The following NEURL1 variants were observed in gnomAD, a reference collection of about 807,000 sequenced individuals.
The protein encoded by NEURL1 is E3 ubiquitin-protein ligase NEURL1.
Under a neutral mutation model 41.2 loss-of-function variants are expected in NEURL1, and 26 were observed. The ratio of observed to expected loss-of-function variants is 0.63; its 90% CI spans 0.46 to 0.87. The LOEUF (loss-of-function observed/expected upper bound fraction) is 0.87. Ranked by LOEUF, NEURL1 falls within the 40% of genes least tolerant of loss-of-function variation. The probability of loss-of-function intolerance (pLI) is 0.00; values close to 1 mark genes in which losing one functional copy is unlikely to be tolerated. For missense variants in NEURL1, 761 were observed against 871.1 expected (o/e 0.87, Z 1.59); for synonymous variants, 400 against 402.3 (o/e 0.99, Z 0.07).
intron 1 of NEURL1, among the ~76,000 whole-genome samples, chr10:103,544,597 C>T (rs2034889135): frequency 6.6e-6 from 1 of 152,202 alleles, no homozygotes; most frequent in South Asian, 2.1e-4. Flanking sequence ...TGAATTATGG[C>T]AGGCAGTGTC....
At chr10:103,559,955 T>C (rs886531900) in intron 1 of NEURL1, among the ~76,000 whole-genome samples, 25 of 151,246 alleles carry the variant, frequency 1.7e-4, no homozygotes, top group Admixed American at 1.3e-3. Context: ...CACACGTACA[T>C]GCACGCACAT....
chr10:103,570,740 T>C, intron 1 of NEURL1, 132 bp from the exon 2 acceptor site: 1 of 1,426,176 alleles, frequency 7.0e-7, no homozygotes, highest in South Asian at 1.4e-5. Flanking sequence ...TGGCAAGGGG[T>C]GGCGGCAGTG....
chr10:103,578,728 G>T (rs1002151532), intron 3 of NEURL1, among the ~76,000 whole-genome samples: 1 of 152,224 alleles, frequency 6.6e-6, no homozygotes, highest in Non-Finnish European at 1.5e-5. Context: ...CAGAAAGCAT[G>T]TTTGTTTCTC....
At chr10:103,586,300 A>G (rs1306946420) in intron 4 of NEURL1, among the ~76,000 whole-genome samples, 1 of 152,150 alleles carries the variant, frequency 6.6e-6, no homozygotes, top group African/African-American at 2.4e-5. Context: ...GCAGGTATTC[A>G]TGCTTTCCAA....
At chr10:103,530,428 A>G (rs1024899066) in intron 1 of NEURL1, among the ~76,000 whole-genome samples, 1 of 151,862 alleles carries the variant, frequency 6.6e-6, no homozygotes, top group African/African-American at 2.4e-5. Flanking sequence ...TAATTTCTGT[A>G]TTGACCCATT....
At chr10:103,496,235 AT>A (rs1355130106) in intron 1 of NEURL1, among the ~76,000 whole-genome samples, 1 of 152,196 alleles carries the variant, frequency 6.6e-6, no homozygotes, top group Admixed American at 6.5e-5. Flanking sequence ...TGGCAGTGTT[AT>A]TTATACTAGG....
chr10:103,542,518 C>T (rs1252218383), intron 1 of NEURL1, among the ~76,000 whole-genome samples: 1 of 152,184 alleles, frequency 6.6e-6, no homozygotes, highest in Non-Finnish European at 1.5e-5. Flanking sequence ...CTGCGTCAGC[C>T]TCCCAAAGTG....
At chr10:103,496,090 A>G (rs190797829) in intron 1 of NEURL1, among the ~76,000 whole-genome samples, 1 of 151,886 alleles carries the variant, frequency 6.6e-6, no homozygotes, top group Non-Finnish European at 1.5e-5. Context: ...AGCCTGAGCG[A>G]CAGAGCGAGA....
intron 1 of NEURL1, among the ~76,000 whole-genome samples, chr10:103,527,836 C>T (rs2034492164): frequency 2.0e-5 from 3 of 152,212 alleles, no homozygotes; most frequent in South Asian, 2.1e-4. Flanking sequence ...TATCTATCTT[C>T]TCTAACTTCT....
chr10:103,555,562 T>G, intron 1 of NEURL1: 13 of 498,736 alleles, frequency 2.6e-5, no homozygotes, highest in Non-Finnish European at 3.8e-5. Context: ...GGGCACCTTT[T>G]GGTGGTGGGC....
rs752081513 is a variant in NEURL1, at chr10:103,590,270, C to T, written c.1623C>T (p.Leu541=). 2 of 1,614,200 alleles carry T rather than the reference C, an allele frequency of 1.2e-6. No homozygotes were observed. The highest frequency in any genetic ancestry group is 1.7e-6 in the Non-Finnish European group (2 of 1,180,024). The change falls in exon 6 of 6, where the codon CTC becomes CTT. Residue 541 remains leucine, a synonymous_variant. Coordinates refer to ENST00000369780, the MANE Select transcript of NEURL1 (RefSeq NM_004210.5). ...TCTACACATGTGGCCACATGTGCCT[C>T]TGCTACGCCTGTGGCCTGCGCCTCA... ...TVIYTCGHMC[L]CYACGLRLKK...
chr10:103,586,113 C>T (rs1446669412), intron 4 of NEURL1, among the ~76,000 whole-genome samples: 2 of 151,472 alleles, frequency 1.3e-5, no homozygotes, highest in Non-Finnish European at 2.9e-5. Flanking sequence ...GGGGGATGTG[C>T]ATTGAGTTAA....
chr10:103,585,888 ACCATTTCT>A (rs934961570), intron 4 of NEURL1, among the ~76,000 whole-genome samples: 1 of 151,684 alleles, frequency 6.6e-6, no homozygotes, highest in African/African-American at 2.4e-5. Context: ...AGTCTCGGTT[ACCATTTCT>A]CCAAAATGGA....
At chr10:103,514,523 A>G (rs567461982) in intron 1 of NEURL1, among the ~76,000 whole-genome samples, 2 of 151,944 alleles carry the variant, frequency 1.3e-5, no homozygotes, top group East Asian at 3.9e-4. Context: ...TCTTCACTCT[A>G]GACTCCTGAG....
At chr10:103,580,076 T>C (rs529159178) in intron 3 of NEURL1, among the ~76,000 whole-genome samples, 1 of 152,162 alleles carries the variant, frequency 6.6e-6, no homozygotes, top group African/African-American at 2.4e-5. Context: ...GGGCACACAG[T>C]AGGTCAGTGA....
chr10:103,532,234 A>G (rs1286828628), intron 1 of NEURL1, among the ~76,000 whole-genome samples: 1 of 152,016 alleles, frequency 6.6e-6, no homozygotes, highest in Non-Finnish European at 1.5e-5. Flanking sequence ...CAATTCATTA[A>G]TTGTTTTCTG....
chr10:103,548,682 C>A (rs1040181567), intron 1 of NEURL1, among the ~76,000 whole-genome samples: 2 of 152,244 alleles, frequency 1.3e-5, no homozygotes, highest in Admixed American at 6.5e-5. Flanking sequence ...AAGGCTGGGA[C>A]AGAGACTTTA....
intron 1 of NEURL1, among the ~76,000 whole-genome samples, chr10:103,509,403 G>A (rs2083203855): frequency 6.6e-6 from 1 of 152,178 alleles, no homozygotes; most frequent in Non-Finnish European, 1.5e-5. Flanking sequence ...TAGGCTATGT[G>A]TTGTGGCCTA....
At chr10:103,541,981 A>G (rs2034829643) in intron 1 of NEURL1, among the ~76,000 whole-genome samples, 1 of 152,186 alleles carries the variant, frequency 6.6e-6, no homozygotes, top group Non-Finnish European at 1.5e-5. Context: ...TATCTGGAGA[A>G]AGGAGAACGA....
Sources: allele counts gnomAD v4.1 joint callset (sites outside exome capture counted in the v4.1 genomes callset), GRCh38; gene constraint gnomAD v4.1.1; transcripts MANE v1.5; gene names NCBI Gene and HGNC (gene_info 2026-07-23, HGNC 2026-07-21).